The following MAN1A2 variants were observed in gnomAD, a reference collection of about 807,000 sequenced individuals.
MAN1A2 encodes mannosidase alpha class 1A member 2, also known as mannosyl-oligosaccharide 1,2-alpha-mannosidase IB.
A neutral mutation model predicts 75.7 loss-of-function variants in MAN1A2; 26 were observed. That is an observed-to-expected ratio of 0.34 (90% CI 0.25 to 0.48). The LOEUF is 0.48. Among genes scored for constraint, MAN1A2 ranks in the 20% least tolerant of loss-of-function variants. The pLI, the probability that MAN1A2 is intolerant of heterozygous loss-of-function variation, is 0.99. For missense variants in MAN1A2, 562 were observed against 775.5 expected (o/e 0.72, Z 3.27); for synonymous variants, 247 against 264.6 (o/e 0.93, Z 0.65).
intron 11 of MAN1A2, among the ~76,000 whole-genome samples, chr1:117,500,017 T>C (rs148886504): frequency 6.6e-6 from 1 of 151,766 alleles, no homozygotes; most frequent in African/African-American, 2.4e-5. Flanking sequence ...TAACTTAAGC[T>C]TACAATCTAG....
intron 1 of MAN1A2, among the ~76,000 whole-genome samples, chr1:117,385,697 C>T (rs1172770411): frequency 6.7e-6 from 1 of 149,584 alleles, no homozygotes; most frequent in Non-Finnish European, 1.5e-5. Flanking sequence ...ATCCTGGATA[C>T]AGACAGTAGA....
chr1:117,510,964 C>T (rs1391150065), intron 12 of MAN1A2, among the ~76,000 whole-genome samples: 2 of 151,978 alleles, frequency 1.3e-5, no homozygotes, highest in Admixed American at 1.3e-4. Context: ...CTGTATTAGT[C>T]CATTCTCACA....
At chr1:117,375,758 C>G (rs1399408738) in intron 1 of MAN1A2, among the ~76,000 whole-genome samples, 1 of 152,054 alleles carries the variant, frequency 6.6e-6, no homozygotes, top group Non-Finnish European at 1.5e-5. Flanking sequence ...ATGTTTGGAG[C>G]CAGATTCCAG....
rs1267465829 is a variant in MAN1A2 at position 117,494,122 on chromosome 1, TA to T, written c.1284+862del. 1.3e-5 allele frequency: 2 copies of T among 152,090 alleles called. 1 individual carries two copies. Among genetic ancestry groups the T allele is most frequent in the East Asian group, 3.9e-4 (2 of 5,164 alleles). The allele number at this position is 152,090 out of a possible 1,614,324, so 9.4% of individuals were successfully genotyped here. On this transcript the variant is annotated intron_variant, in intron 9 of 12. Transcript: ENST00000356554. ...AACTTGCTGAAGGTTGCATTGCTGG[TA>T]ATTGATGGGGCGTGGAACTGAACAG...
intron 3 of MAN1A2, 93 bp downstream of exon 3, chr1:117,405,738 T>C: frequency 1.3e-6 from 1 of 794,442 alleles, no homozygotes. Flanking sequence ...AAAATCTGAG[T>C]ATTTCTGTGG....
chr1:117,434,100 A>G (rs1250572182), intron 5 of MAN1A2, among the ~76,000 whole-genome samples: 1 of 152,220 alleles, frequency 6.6e-6, no homozygotes, highest in African/African-American at 2.4e-5. Flanking sequence ...AGATTATCTG[A>G]GGGATCTATT....
rs1570716835 is a variant in MAN1A2, at chr1:117,405,449, G to A, written c.559-100G>A. ...ATAATGTACTAATATAGATCTGGAA[G>A]AATGGGCAAGGATATAGTAATAGAA... On this transcript the variant is annotated intron_variant, in intron 2 of 12. Coordinates refer to ENST00000356554, the MANE Select transcript of MAN1A2 (RefSeq NM_006699.5). The A allele has an allele frequency of 4.1e-6, 3 of 730,476 alleles. No homozygotes were observed. In the African/African-American group the frequency reaches 5.2e-5, roughly 13 times the overall value. The allele number at this position is 730,476 out of a possible 1,614,324, so 45.2% of individuals were successfully genotyped here.
At chr1:117,467,683 C>T (rs767562975) in intron 8 of MAN1A2, among the ~76,000 whole-genome samples, 28 of 151,966 alleles carry the variant, frequency 1.8e-4, no homozygotes, top group Non-Finnish European at 2.1e-4. Flanking sequence ...AATGTAAAAA[C>T]GTAGTTTTCT....
At chr1:117,424,948 CTG>C in intron 5 of MAN1A2, among the ~76,000 whole-genome samples, 1 of 152,272 alleles carries the variant, frequency 6.6e-6, no homozygotes, top group East Asian at 1.9e-4. Context: ...TGGTAGGTAA[CTG>C]GACATATTTG....
intron 1 of MAN1A2, among the ~76,000 whole-genome samples, chr1:117,388,827 A>G (rs1366569044): frequency 2.0e-5 from 3 of 152,238 alleles, no homozygotes; most frequent in Non-Finnish European, 4.4e-5. Context: ...TTACTCCACA[A>G]GAAAAGAATG....
At chr1:117,421,366 G>GATACATATC (rs1220109555) in intron 5 of MAN1A2, among the ~76,000 whole-genome samples, 1 of 151,944 alleles carries the variant, frequency 6.6e-6, no homozygotes, top group Non-Finnish European at 1.5e-5. Context: ...GTATTATAAA[G>GATACATATC]ATACATATCT....
chr1:117,446,428 G>C (rs1380515586), intron 6 of MAN1A2, among the ~76,000 whole-genome samples: 1 of 151,702 alleles, frequency 6.6e-6, no homozygotes, highest in Non-Finnish European at 1.5e-5. Flanking sequence ...TTTTTCTATA[G>C]AGCTATAAAT....
chr1:117,368,101 A>C lies in MAN1A2; in HGVS notation c.-83A>C. On this transcript the variant is annotated 5_prime_UTR_variant, in exon 1 of 13. Coordinates refer to ENST00000356554, the MANE Select transcript of MAN1A2 (RefSeq NM_006699.5). ...AAAATTGAGTTTTCCCATTTTGGCC[A>C]AGATTTTGAAGACAGTTCAATGTAT... is the stretch of plus-strand genomic sequence containing the variant. 2.9e-5 allele frequency: 40 copies of C among 1,395,610 alleles called. No individual in the cohort carries two copies. The South Asian group carries it at 4.9e-4, about 17-fold the overall frequency. The allele number at this position is 1,395,610 out of a possible 1,614,324, so 86.5% of individuals were successfully genotyped here. A position where few individuals can be genotyped will look rare whatever the true frequency, so the allele number is the denominator to read the frequency against.
intron 1 of MAN1A2, among the ~76,000 whole-genome samples, chr1:117,378,100 T>C (rs1030507958): frequency 2.0e-5 from 3 of 152,128 alleles, no homozygotes; most frequent in African/African-American, 7.2e-5. Flanking sequence ...AGACTCCATC[T>C]CAAATAACAA....
In MAN1A2 at chr1:117,375,038, T is replaced by C. The variant is rs115990797; in HGVS notation, c.302+6553T>C. On this transcript the variant is annotated intron_variant, in intron 1 of 12. Transcript: ENST00000356554. ...TTCTTGTTTCTTGTTAGTTTTAAAG[T>C]ATAGTTTATTGAGCATTTGATATGC... 5.5e-3 allele frequency among the ~76,000 whole-genome samples: 840 copies of C among 152,276 alleles called. 5 individuals carry two copies. The highest frequency in any genetic ancestry group is 0.01 in the Middle Eastern group (3 of 292).
In MAN1A2 at chr1:117,378,439, A is replaced by G. The variant is rs574108983; in HGVS notation, c.302+9954A>G. ...CACTTTTGGGCTCTGGTTCAATTAT[A>G]TAATTATATTATCTGCCTATTCAGT... On this transcript the variant is annotated intron_variant, in intron 1 of 12. Coordinates refer to ENST00000356554, the MANE Select transcript of MAN1A2 (RefSeq NM_006699.5). 2.6e-5 allele frequency among the ~76,000 whole-genome samples: 4 copies of G among 152,290 alleles called. No individual in the cohort carries two copies. In the South Asian group the frequency reaches 6.2e-4, roughly 24 times the overall value.
chr1:117,445,727 G>C (rs997553568), intron 6 of MAN1A2, among the ~76,000 whole-genome samples: 3 of 151,308 alleles, frequency 2.0e-5, no homozygotes, highest in African/African-American at 7.3e-5. Context: ...GGCTCTCACT[G>C]TCTTGCCTAG....
At chr1:117,514,230 G>A (rs1014458103) in intron 12 of MAN1A2, among the ~76,000 whole-genome samples, 3 of 151,990 alleles carry the variant, frequency 2.0e-5, no homozygotes, top group Non-Finnish European at 4.4e-5. Flanking sequence ...GGGCATGGTG[G>A]TGCATGGCTG....
intron 6 of MAN1A2, among the ~76,000 whole-genome samples, chr1:117,444,319 G>C (rs1177858404): frequency 6.7e-6 from 1 of 150,168 alleles, no homozygotes; most frequent in East Asian, 1.9e-4. Flanking sequence ...TGTTATACAT[G>C]TTCTTGTGTA....
Sources: allele counts gnomAD v4.1 joint callset (sites outside exome capture counted in the v4.1 genomes callset), GRCh38; gene constraint gnomAD v4.1.1; transcripts MANE v1.5; gene names NCBI Gene and HGNC (gene_info 2026-07-23, HGNC 2026-07-21).